PIEZO2: variants seen among roughly 807,000 people sequenced by gnomAD.
PIEZO2 encodes piezo-type mechanosensitive ion channel component 2.
PIEZO2 carries 172 observed loss-of-function variants against 337.3 expected under a neutral mutation model. The ratio of observed to expected loss-of-function variants is 0.51; its 90% CI spans 0.45 to 0.58. PIEZO2 has a LOEUF of 0.58. Among genes scored for constraint, PIEZO2 ranks in the 20% least tolerant of loss-of-function variants. The probability of loss-of-function intolerance (pLI) is 0.00; values close to 1 mark genes in which losing one functional copy is unlikely to be tolerated. For synonymous variants in PIEZO2, 1,251 were observed against 1,228.5 expected, an observed-to-expected ratio of 1.02 and a Z score of -0.38; for missense variants, 3,028 against 3,391.3, an observed-to-expected ratio of 0.89 and a Z score of 2.66.
intron 15 of PIEZO2, among the ~76,000 whole-genome samples, chr18:10,787,889 T>A (rs186084407): frequency 5.6e-4 from 86 of 152,340 alleles, no homozygotes; most frequent in African/African-American, 2.0e-3. Flanking sequence ...TTTTAATGTA[T>A]CTCATATATT....
intron 1 of PIEZO2, among the ~76,000 whole-genome samples, chr18:11,124,430 G>C (rs1405580147): frequency 6.6e-6 from 1 of 152,180 alleles, no homozygotes; most frequent in Non-Finnish European, 1.5e-5. Context: ...CTGTGCAATA[G>C]TAAAAAGAAC....
At chr18:11,135,570 TGG>T (rs2040458956) in intron 1 of PIEZO2, among the ~76,000 whole-genome samples, 1 of 152,178 alleles carries the variant, frequency 6.6e-6, no homozygotes, top group Non-Finnish European at 1.5e-5. Flanking sequence ...TTGATTTAGA[TGG>T]AGTCTAGCTC....
chr18:10,856,010 G>A lies in PIEZO2; in HGVS notation c.704-444C>T, dbSNP rs535713203. On this transcript the variant is annotated intron_variant, in intron 6 of 55. Coordinates refer to ENST00000674853, the MANE Select transcript of PIEZO2 (RefSeq NM_001378183.1). This position sits in a 1 kb window ranked among gnomAD's most constrained non-coding sequence, Gnocchi z 4.7. Reference sequence around the variant, plus strand: ...TTTTTAAGTTAACTAGTACATCCTGGCCAATTAAACTCTCACTGTGCCATG... The same window carrying A: ...TTTTTAAGTTAACTAGTACATCCTGACCAATTAAACTCTCACTGTGCCATG... 2.2e-4 allele frequency among the ~76,000 whole-genome samples: 34 copies of A among 151,484 alleles called. No individual in the cohort carries two copies. Among genetic ancestry groups the A allele is most frequent in the African/African-American group, 8.2e-4 (34 of 41,268 alleles).
intron 21 of PIEZO2, 170 bp from the exon 22 acceptor site, chr18:10,763,268 T>A: frequency 1.5e-6 from 1 of 651,938 alleles, no homozygotes; most frequent in Non-Finnish European, 2.6e-6. Flanking sequence ...AGGTGAGTTA[T>A]GGTCTCACCC....
chr18:10,811,385 C>T (rs1598516456), intron 7 of PIEZO2, among the ~76,000 whole-genome samples: 1 of 152,054 alleles, frequency 6.6e-6, no homozygotes, highest in South Asian at 2.1e-4. Context: ...TGTCACCTTG[C>T]GTTTATGGCA....
intron 3 of PIEZO2, among the ~76,000 whole-genome samples, chr18:10,959,965 A>G (rs2033695624): frequency 6.6e-6 from 1 of 152,166 alleles, no homozygotes; most frequent in South Asian, 2.1e-4. Context: ...TAAAACAGCT[A>G]TATTCCTACT....
Position 10,726,500 on chromosome 18 carries a change from A to G in PIEZO2, c.5029+4907T>C, listed in dbSNP as rs2036547119. On this transcript the variant is annotated intron_variant, in intron 36 of 55. Transcript: ENST00000674853. The surrounding 1 kb of genome is among the most constrained non-coding windows in gnomAD (Gnocchi z 5.9). ...CACCCTGCACAGCGTGCTGCTCCGC[A>G]AGCAGCCGTTCCTGTGGCGCGCTGC... 1.0e-5 allele frequency: 15 copies of G among 1,496,896 alleles called. No homozygotes were observed. Among genetic ancestry groups the G allele is most frequent in the Non-Finnish European group, 1.3e-5 (15 of 1,128,118 alleles). The allele number at this position is 1,496,896 out of a possible 1,614,324, so 92.7% of individuals were successfully genotyped here. A position where few individuals can be genotyped will look rare whatever the true frequency, so the allele number is the denominator to read the frequency against.
Position 10,979,522 on chromosome 18 carries a change from C to A in PIEZO2, c.286+13G>T, listed in dbSNP as rs1199904610. The stretch of plus-strand genomic sequence containing the variant: ...TAAAAGAAAACAATAAAAGAAAACA[C>A]CATAATACTCACAGTTGTAGCCAGG... On this transcript the variant is annotated intron_variant, in intron 3 of 55. Coordinates refer to ENST00000674853, the MANE Select transcript of PIEZO2 (RefSeq NM_001378183.1). This position sits in a 1 kb window ranked among gnomAD's most constrained non-coding sequence, Gnocchi z 4.0. 44 of 1,512,532 alleles carry A rather than the reference C, an allele frequency of 2.9e-5. 1 individual carries two copies. In the Admixed American group the frequency reaches 6.4e-4, roughly 22 times the overall value. The allele number at this position is 1,512,532 out of a possible 1,614,324, so 93.7% of individuals were successfully genotyped here.
At chr18:11,026,684 G>C (rs1598849403) in intron 2 of PIEZO2, among the ~76,000 whole-genome samples, 1 of 152,186 alleles carries the variant, frequency 6.6e-6, no homozygotes. Context: ...CCTCTGTGAG[G>C]CTTATTCAGC....
Position 10,773,909 on chromosome 18 carries a change from T to G in PIEZO2, c.2567+97A>C. 1 of 667,540 alleles carries G rather than the reference T, an allele frequency of 1.5e-6. No individual in the cohort carries two copies. Among genetic ancestry groups the G allele is most frequent in the Non-Finnish European group, 2.7e-6 (1 of 370,898 alleles). 41.4% of individuals were successfully genotyped at this position (667,540 alleles called of 1,614,324 possible). ...GAGCTATCAACACCTAAACTTGACA[T>G]TTTTCCCAGAGGAGAAAATGGTCAG... On this transcript the variant is annotated intron_variant, in intron 19 of 55. Coordinates refer to ENST00000674853, the MANE Select transcript of PIEZO2 (RefSeq NM_001378183.1). The surrounding 1 kb of genome is among the most constrained non-coding windows in gnomAD (Gnocchi z 5.3).
At chr18:10,987,964 A>G (rs1263051857) in intron 2 of PIEZO2, among the ~76,000 whole-genome samples, 1 of 152,146 alleles carries the variant, frequency 6.6e-6, no homozygotes, top group African/African-American at 2.4e-5. Flanking sequence ...TTATGAAGGA[A>G]ATGCAAAACA....
intron 36 of PIEZO2, among the ~76,000 whole-genome samples, chr18:10,721,799 G>A (rs1003206933): frequency 2.0e-5 from 3 of 151,984 alleles, no homozygotes; most frequent in South Asian, 2.1e-4. Context: ...TAATAAACTG[G>A]AATAACGTAA....
intron 17 of PIEZO2, among the ~76,000 whole-genome samples, chr18:10,780,837 A>C (rs1270640256): frequency 6.6e-6 from 1 of 151,332 alleles, no homozygotes; most frequent in Non-Finnish European, 1.5e-5. Flanking sequence ...TAATTTTTGT[A>C]TTTTTAGTAG....
At chr18:10,749,990 T>C in intron 29 of PIEZO2, 101 bp downstream of exon 29, 3 of 866,426 alleles carry the variant, frequency 3.5e-6, no homozygotes, top group Non-Finnish European at 5.5e-6. Flanking sequence ...CTGACCCCAC[T>C]TTTATATCTT....
chr18:10,923,161 G>T (rs1202664172), intron 3 of PIEZO2, among the ~76,000 whole-genome samples: 3 of 152,116 alleles, frequency 2.0e-5, no homozygotes, highest in African/African-American at 4.8e-5. Flanking sequence ...CATTTGCCCA[G>T]AAAACTGCTT....
intron 2 of PIEZO2, among the ~76,000 whole-genome samples, chr18:11,023,812 C>G (rs1037655657): frequency 6.6e-6 from 1 of 152,232 alleles, no homozygotes; most frequent in Non-Finnish European, 1.5e-5. Context: ...AGCTAAGGCC[C>G]GGCGAGAATT....
chr18:10,970,116 G>C (rs1376970853), intron 3 of PIEZO2, among the ~76,000 whole-genome samples: 1 of 152,162 alleles, frequency 6.6e-6, no homozygotes, highest in East Asian at 1.9e-4. Flanking sequence ...GATACTCTGG[G>C]TATTTGGGAG....
chr18:10,906,824 G>A (rs2029982807), intron 4 of PIEZO2, among the ~76,000 whole-genome samples: 1 of 151,894 alleles, frequency 6.6e-6, no homozygotes, highest in African/African-American at 2.4e-5. Context: ...GCCTCCCAAA[G>A]TGCTGGGATT....
At position 10,853,558 on chromosome 18, in the gene PIEZO2, G is replaced by T. The variant is rs548175730; in HGVS notation, c.917+1795C>A. 3.3e-5 allele frequency among the ~76,000 whole-genome samples: 5 copies of T among 152,152 alleles called. No individual in the cohort carries two copies. The highest frequency in any genetic ancestry group is 7.4e-5 in the Non-Finnish European group (5 of 68,016). On this transcript the variant is annotated intron_variant, in intron 7 of 55. Coordinates refer to ENST00000674853, the MANE Select transcript of PIEZO2 (RefSeq NM_001378183.1). This position sits in a 1 kb window ranked among gnomAD's most constrained non-coding sequence, Gnocchi z 4.2. ...CTGCGAGACTCAGATGTGTTTCACT[G>T]CTAACATTACCATTTCTGTCCCCTT...
Sources: allele counts gnomAD v4.1 joint callset (sites outside exome capture counted in the v4.1 genomes callset), GRCh38; gene constraint gnomAD v4.1.1; non-coding constraint Gnocchi (gnomAD v3.1); transcripts MANE v1.5; gene names NCBI Gene and HGNC (gene_info 2026-07-23, HGNC 2026-07-21).